NTRK2: variants seen among roughly 807,000 people sequenced by gnomAD.
NTRK2 encodes BDNF/NT-3 growth factors receptor.
Under a neutral mutation model 94.5 loss-of-function variants are expected in NTRK2, and 13 were observed. The ratio of observed to expected loss-of-function variants is 0.14; its 90% CI spans 0.09 to 0.22. The LOEUF (loss-of-function observed/expected upper bound fraction) is 0.22. Ranked by LOEUF, NTRK2 falls within the 10% of genes least tolerant of loss-of-function variation. The pLI is 1.00. For synonymous variants in NTRK2, 372 were observed against 407.4 expected (o/e 0.91, Z 1.05); for missense variants, 639 against 1,071.2 (o/e 0.60, Z 5.63).
intron 12 of NTRK2, among the ~76,000 whole-genome samples, chr9:84,752,606 C>A (rs150592184): frequency 6.6e-6 from 1 of 151,530 alleles, no homozygotes; most frequent in African/African-American, 2.4e-5. Flanking sequence ...GAATACATAG[C>A]TTTTTTTTTA....
intron 16 of NTRK2, among the ~76,000 whole-genome samples, chr9:84,954,898 T>C (rs1823922536): frequency 6.6e-6 from 1 of 152,154 alleles, no homozygotes. Context: ...GTTTTGTTTT[T>C]GGTTTTGTCT....
At chr9:84,914,287 TC>T (rs1472901807) in intron 14 of NTRK2, among the ~76,000 whole-genome samples, 20 of 152,220 alleles carry the variant, frequency 1.3e-4, no homozygotes, top group African/African-American at 4.8e-4. Context: ...GCTTTAAAAA[TC>T]CCTGTCATAT....
chr9:84,723,839 G>T lies in NTRK2; in HGVS notation c.720+130G>T, dbSNP rs796897440. On this transcript the variant is annotated intron_variant, in intron 7 of 18. Coordinates refer to ENST00000277120, the MANE Select transcript of NTRK2 (RefSeq NM_006180.6). Reference sequence around the variant, plus strand: ...ATATAGAAATTTACAAAGAGTTTTTGATGTACATTCACTTTCTACTTATTC... The same window carrying T: ...ATATAGAAATTTACAAAGAGTTTTTTATGTACATTCACTTTCTACTTATTC... 9.3e-6 allele frequency: 12 copies of T among 1,287,778 alleles called. No individual in the cohort carries two copies. The African/African-American group carries it at 1.8e-4, about 19-fold the overall frequency. 79.8% of individuals were successfully genotyped at this position (1,287,778 alleles called of 1,614,324 possible).
intron 14 of NTRK2, chr9:84,873,524 A>G: frequency 9.5e-7 from 1 of 1,058,000 alleles, no homozygotes; most frequent in Non-Finnish European, 1.1e-6. Context: ...GCTAGCTACA[A>G]CAATTTGATA....
chr9:84,864,063 C>T (rs1248059921), intron 13 of NTRK2, among the ~76,000 whole-genome samples: 1 of 152,170 alleles, frequency 6.6e-6, no homozygotes, highest in African/African-American at 2.4e-5. Flanking sequence ...GAGGGCTTCG[C>T]TGTGTACTTG....
chr9:84,797,200 C>T (rs1377319814), intron 12 of NTRK2, among the ~76,000 whole-genome samples: 1 of 152,050 alleles, frequency 6.6e-6, no homozygotes, highest in African/African-American at 2.4e-5. Context: ...GAGCAAATTA[C>T]AGCCCCTGGG....
At chr9:84,685,264 G>A (rs1467155061) in intron 2 of NTRK2, among the ~76,000 whole-genome samples, 1 of 151,664 alleles carries the variant, frequency 6.6e-6, no homozygotes, top group African/African-American at 2.4e-5. Flanking sequence ...TCTGTGGCAG[G>A]ACTACCTTTG....
At chr9:84,705,359 G>A (rs1231951956) in intron 4 of NTRK2, among the ~76,000 whole-genome samples, 2 of 152,190 alleles carry the variant, frequency 1.3e-5, no homozygotes, top group Non-Finnish European at 2.9e-5. Flanking sequence ...ACTTTGCAGA[G>A]GTGCTAATTA....
chr9:84,780,983 T>A (rs2067507880), intron 12 of NTRK2, among the ~76,000 whole-genome samples: 1 of 152,172 alleles, frequency 6.6e-6, no homozygotes, highest in South Asian at 2.1e-4. Flanking sequence ...AATTCTATAT[T>A]TGAGTCTTTT....
intron 12 of NTRK2, among the ~76,000 whole-genome samples, chr9:84,809,931 G>A (rs1003432691): frequency 8.8e-5 from 13 of 148,184 alleles, no homozygotes; most frequent in African/African-American, 2.2e-4. Flanking sequence ...CTAACTATTT[G>A]TATTGTCTAG....
intron 17 of NTRK2, among the ~76,000 whole-genome samples, chr9:84,969,064 C>T (rs185260662): frequency 2.5e-3 from 387 of 152,322 alleles, no homozygotes; most frequent in Non-Finnish European, 4.4e-3. Flanking sequence ...AGCCACACTT[C>T]ATGCATTGTT....
intron 8 of NTRK2, among the ~76,000 whole-genome samples, chr9:84,725,189 C>T (rs906474791): frequency 7.2e-5 from 11 of 152,124 alleles, no homozygotes; most frequent in Admixed American, 4.6e-4. Flanking sequence ...GACTTACACA[C>T]GTGTAGACCC....
intron 12 of NTRK2, chr9:84,812,216 A>G (rs771232843): frequency 2.8e-6 from 3 of 1,056,392 alleles, no homozygotes; most frequent in African/African-American, 1.6e-5. Context: ...ACCACTTGAT[A>G]TAAAAAGGAT....
At chr9:84,807,451 T>C (rs998296283) in intron 12 of NTRK2, among the ~76,000 whole-genome samples, 6 of 152,234 alleles carry the variant, frequency 3.9e-5, no homozygotes, top group Admixed American at 1.3e-4. Flanking sequence ...TGCTTTATCC[T>C]TGTTCCTATA....
intron 9 of NTRK2, among the ~76,000 whole-genome samples, chr9:84,737,668 C>T (rs978204393): frequency 1.3e-5 from 2 of 152,066 alleles, no homozygotes; most frequent in African/African-American, 4.8e-5. Flanking sequence ...ATTTTAGAAT[C>T]GGGGTGCATG....
Position 85,022,924 on chromosome 9 carries a change from A to G in NTRK2, c.*1487A>G, listed in dbSNP as rs1207976820. On this transcript the variant is annotated 3_prime_UTR_variant, in exon 19 of 19. Coordinates refer to ENST00000277120, the MANE Select transcript of NTRK2 (RefSeq NM_006180.6). Reference sequence around the variant, plus strand: ...CACCCTGAGGGCATCACATGCACTCATGTTCAGTGTACACAGGTCAAGTCC... The same window carrying G: ...CACCCTGAGGGCATCACATGCACTCGTGTTCAGTGTACACAGGTCAAGTCC... The G allele has an allele frequency of 8.6e-6, 2 of 233,270 alleles. No individual in the cohort carries two copies. Among genetic ancestry groups the G allele is most frequent in the East Asian group, 1.2e-4 (2 of 16,588 alleles). The allele number at this position is 233,270 out of a possible 1,614,324, so 14.5% of individuals were successfully genotyped here.
chr9:84,874,098 T>A (rs1260757329), intron 14 of NTRK2: 5 of 1,064,440 alleles, frequency 4.7e-6, no homozygotes, highest in Non-Finnish European at 5.7e-6. Flanking sequence ...CTGACTGGAG[T>A]GTGTGTACCA....
rs563846432 is a variant in NTRK2, at chr9:84,773,074, C to CT, written c.1396+20998dup. ...ATAGATTTCTTAGCTCCTGCCAAGC[C>CT]TTTTTTTTTACTTTCTTAATTTGGT... On this transcript the variant is annotated intron_variant, in intron 12 of 18. Transcript: ENST00000277120. Among the ~76,000 whole-genome samples the CT allele has an allele frequency of 5.7e-3, 869 of 151,428 alleles. 4 individuals carry two copies. Among genetic ancestry groups the CT allele is most frequent in the Non-Finnish European group, 9.1e-3 (618 of 67,776 alleles).
chr9:84,815,547 T>C, intron 12 of NTRK2: 3 of 1,021,006 alleles, frequency 2.9e-6, no homozygotes, highest in Non-Finnish European at 3.5e-6. Flanking sequence ...TATAATGTTC[T>C]GGGTTTAAAA....
Sources: allele counts gnomAD v4.1 joint callset (sites outside exome capture counted in the v4.1 genomes callset), GRCh38; gene constraint gnomAD v4.1.1; transcripts MANE v1.5; gene names NCBI Gene and HGNC (gene_info 2026-07-23, HGNC 2026-07-21).